Variants in ATRX observed in about 807,000 individuals in gnomAD.
ATRX encodes the protein ATRX chromatin remodeler.
In ATRX, 12 loss-of-function variants were observed where a neutral mutation model predicts 172.6. The ratio of observed to expected loss-of-function variants is 0.07; its 90% CI spans 0.04 to 0.11. The LOEUF (loss-of-function observed/expected upper bound fraction) is 0.11, where lower values mean the gene tolerates loss of function less well. Ranked by LOEUF, ATRX falls within the 10% of genes least tolerant of loss-of-function variation. The probability of loss-of-function intolerance (pLI) is 1.00; values close to 1 mark genes in which losing one functional copy is unlikely to be tolerated. For missense variants in ATRX, 1,368 were observed against 1,767.4 expected (o/e 0.77, Z 4.05); for synonymous variants, 674 against 594.7 (o/e 1.13, Z -1.94).
chrX:77,543,317 G>T (rs1434367239), intron 30 of ATRX, among the ~76,000 whole-genome samples: 1 of 112,032 alleles, frequency 8.9e-6, no homozygotes, highest in Non-Finnish European at 1.9e-5. Context: ...ACAGGTGCTG[G>T]AGAGGATGTG....
intron 30 of ATRX, among the ~76,000 whole-genome samples, chrX:77,524,496 T>C (rs1794858298): frequency 9.0e-6 from 1 of 111,430 alleles, no homozygotes; most frequent in Admixed American, 9.6e-5. Context: ...ACCTTGAGTA[T>C]AGGGTCCAAA....
At chrX:77,735,050 C>G (rs1158683197) in intron 1 of ATRX, among the ~76,000 whole-genome samples, 2 of 110,331 alleles carry the variant, frequency 1.8e-5, no homozygotes, top group Admixed American at 1.9e-4. Context: ...CCACATCACA[C>G]CACTGCACTC....
intron 15 of ATRX, among the ~76,000 whole-genome samples, chrX:77,648,231 T>C (rs2069014696): frequency 1.8e-5 from 2 of 111,690 alleles, no homozygotes; most frequent in Non-Finnish European, 3.8e-5. Context: ...CCATTAAAAC[T>C]ACAGAAGATG....
At chrX:77,671,238 C>T (rs1265587003) in intron 10 of ATRX, among the ~76,000 whole-genome samples, 1 of 88,719 alleles carries the variant, frequency 1.1e-5, no homozygotes, top group South Asian at 5.8e-4. Flanking sequence ...TGGTGGAATT[C>T]ACGAGATAAT....
At chrX:77,749,579 T>C (rs2075223675) in intron 1 of ATRX, among the ~76,000 whole-genome samples, 2 of 111,953 alleles carry the variant, frequency 1.8e-5, no homozygotes, top group Non-Finnish European at 3.8e-5. Flanking sequence ...AATTCTACAA[T>C]GCAAGCACTA....
At chrX:77,640,326 T>A (rs1316721968) in intron 15 of ATRX, among the ~76,000 whole-genome samples, 2 of 110,017 alleles carry the variant, frequency 1.8e-5, no homozygotes, top group African/African-American at 6.6e-5. Context: ...GTATCTAAAC[T>A]AAAAGCTGAA....
At chrX:77,516,963 A>G (rs1474226740) in intron 34 of ATRX, among the ~76,000 whole-genome samples, 2 of 111,575 alleles carry the variant, frequency 1.8e-5, no homozygotes, top group Non-Finnish European at 3.8e-5. Context: ...AAATTGAACA[A>G]TATGCTCCTG....
chrX:77,627,042 G>A (rs1462181269), intron 19 of ATRX, among the ~76,000 whole-genome samples: 2 of 110,764 alleles, frequency 1.8e-5, no homozygotes, highest in Non-Finnish European at 3.8e-5. Flanking sequence ...TGGCTAACAC[G>A]GTGAAACCCC....
intron 2 of ATRX, among the ~76,000 whole-genome samples, chrX:77,709,324 A>T (rs1453862696): frequency 8.9e-6 from 1 of 112,193 alleles, no homozygotes; most frequent in East Asian, 2.8e-4. Flanking sequence ...ATTTAAAAAT[A>T]GTATTAACAC....
intron 34 of ATRX, among the ~76,000 whole-genome samples, chrX:77,509,111 T>C (rs917923154): frequency 9.8e-5 from 11 of 111,748 alleles, no homozygotes; most frequent in Non-Finnish European, 1.9e-4. Context: ...CTAAGTAAAA[T>C]ATATGCCACA....
Position 77,558,657 on chromosome X carries a change from T to A in ATRX, c.6504+12A>T, listed in dbSNP as rs1434581448. ...TAAACTTTCAATATGAAAAAGAGAA[T>A]TATAAACCTACCTGAGCTAAGAACC... On this transcript the variant is annotated intron_variant, in intron 29 of 34. Transcript: ENST00000373344. 8.5e-7 allele frequency: 1 copy of A among 1,171,993 alleles called. No homozygotes were observed. Among genetic ancestry groups the A allele is most frequent in the Non-Finnish European group, 1.2e-6 (1 of 862,062 alleles).
rs1557139967 is a variant in ATRX at position 77,682,972 on chromosome X, T to C, written c.2284A>G (p.Lys762Glu). The C allele has an allele frequency of 8.3e-7, 1 of 1,209,735 alleles. No individual in the cohort carries two copies. Among genetic ancestry groups the C allele is most frequent in the Non-Finnish European group, 1.1e-6 (1 of 894,072 alleles). The change falls in exon 9 of 35, where the codon AAG becomes GAG. Residue 762 changes from lysine (K) to glutamate (E), a missense_variant. Lys to Glu is a moderately conservative substitution (Grantham distance 56, BLOSUM62 1). Coordinates refer to ENST00000373344, the MANE Select transcript of ATRX (RefSeq NM_000489.6). Reference protein sequence around the residue: ...TDINEIHTNHKTLYDLKTQAG... With the variant: ...TDINEIHTNHETLYDLKTQAG... ...TGAGTCTTTAAATCATACAAAGTCT[T>C]ATGGTTTGTATGAATTTCATTAATA... is the stretch of plus-strand genomic sequence containing the variant.
chrX:77,678,636 G>A (rs1254953138), intron 9 of ATRX, among the ~76,000 whole-genome samples: 2 of 111,033 alleles, frequency 1.8e-5, no homozygotes, highest in East Asian at 2.8e-4. Context: ...ACAGGTGTGC[G>A]CCACTACACC....
intron 2 of ATRX, 62 bp from the exon 3 acceptor site, chrX:77,698,691 A>G: frequency 1.1e-6 from 1 of 936,493 alleles, no homozygotes. Flanking sequence ...ACAGAACATC[A>G]ATACCTATAA....
chrX:77,699,529 G>T (rs1252421201), intron 2 of ATRX: 1 of 110,970 alleles, frequency 9.0e-6, no homozygotes, highest in Non-Finnish European at 1.9e-5. Flanking sequence ...AAGAAAAGAT[G>T]AACAAACTTT....
intron 1 of ATRX, among the ~76,000 whole-genome samples, chrX:77,774,281 T>C (rs1310009501): frequency 1.8e-5 from 2 of 110,968 alleles, no homozygotes; most frequent in Non-Finnish European, 3.8e-5. Context: ...ATGAGTGTTC[T>C]AGAATTAGAT....
At position 77,599,812 on chromosome X, in the gene ATRX, A is replaced by G. The variant is rs1476246727; in HGVS notation, c.5706T>C (p.Phe1902=). The G allele has an allele frequency of 8.4e-7, 1 of 1,196,963 alleles. No individual in the cohort carries two copies. Among genetic ancestry groups the G allele is most frequent in the Non-Finnish European group, 1.1e-6 (1 of 884,247 alleles). ...TAAATTCATCCATACTGTCTTCATC[A>G]AAATAACCCTAGAGAAAAAAAAATG... is the stretch of plus-strand genomic sequence containing the variant. ...DYISKENKGY[F]DEDSMDEFIA... Residue 1902 remains phenylalanine, a synonymous_variant, in exon 24 of 35, where the codon TTT becomes TTC. Coordinates refer to ENST00000373344, the MANE Select transcript of ATRX (RefSeq NM_000489.6).
chrX:77,587,603 T>C (rs1412986033), intron 27 of ATRX, among the ~76,000 whole-genome samples: 5 of 111,844 alleles, frequency 4.5e-5, no homozygotes, highest in Non-Finnish European at 9.4e-5. Flanking sequence ...ACTTGAGGTC[T>C]TAACCAGGGC....
chrX:77,555,921 T>C (rs1557058723), intron 30 of ATRX, among the ~76,000 whole-genome samples: 1 of 109,148 alleles, frequency 9.2e-6, no homozygotes, highest in Non-Finnish European at 1.9e-5. Context: ...ACACCTGTAA[T>C]CCCAGCACTT....
Sources: allele counts gnomAD v4.1 joint callset (sites outside exome capture counted in the v4.1 genomes callset), GRCh38; gene constraint gnomAD v4.1.1; transcripts MANE v1.5; gene names NCBI Gene and HGNC (gene_info 2026-07-23, HGNC 2026-07-21).